Variants in GSE1 observed in about 807,000 individuals in gnomAD.
GSE1 encodes Gse1 coiled-coil protein.
GSE1 carries 32 observed loss-of-function variants against 112.6 expected under a neutral mutation model. The ratio of observed to expected loss-of-function variants is 0.28; its 90% CI spans 0.21 to 0.38. The LOEUF is 0.38. Ranked by LOEUF, GSE1 falls within the 10% of genes least tolerant of loss-of-function variation. The probability of loss-of-function intolerance (pLI) is 1.00; values close to 1 mark genes in which losing one functional copy is unlikely to be tolerated. For synonymous variants in GSE1, 1,115 were observed against 735.6 expected (o/e 1.52, Z -8.35); for missense variants, 2,348 against 1,699.2 (o/e 1.38, Z -6.71).
intron 5 of GSE1, 26 bp downstream of exon 5, chr16:85,655,017 C>A: frequency 2.8e-6 from 4 of 1,410,442 alleles, no homozygotes; most frequent in East Asian, 2.3e-5. Flanking sequence ...CGCGCCCTCT[C>A]GTCTAGGTGC....
At chr16:85,383,830 C>A (rs1480138919) in intron 2 of GSE1, among the ~76,000 whole-genome samples, 1 of 152,202 alleles carries the variant, frequency 6.6e-6, no homozygotes, top group East Asian at 1.9e-4. Flanking sequence ...GGGAGGACCA[C>A]ACAGACCTCT....
intron 1 of GSE1, among the ~76,000 whole-genome samples, chr16:85,344,925 G>C (rs983175512): frequency 6.6e-6 from 1 of 152,248 alleles, no homozygotes; most frequent in Non-Finnish European, 1.5e-5. Context: ...GGGTGCTGCT[G>C]TAGCCAGCTC....
intron 1 of GSE1, among the ~76,000 whole-genome samples, chr16:85,570,278 T>G (rs1426845644): frequency 6.6e-6 from 1 of 151,934 alleles, no homozygotes; most frequent in Non-Finnish European, 1.5e-5. Context: ...TCCCAGCATG[T>G]GAGAGGCTGT....
chr16:85,486,742 T>C (rs2050853827), intron 2 of GSE1, among the ~76,000 whole-genome samples: 1 of 151,852 alleles, frequency 6.6e-6, no homozygotes, highest in Non-Finnish European at 1.5e-5. Flanking sequence ...CGGGCATCTG[T>C]CCTGTTGCAC....
chr16:85,521,853 G>T (rs1056695105), intron 2 of GSE1, among the ~76,000 whole-genome samples: 2 of 152,196 alleles, frequency 1.3e-5, no homozygotes, highest in Non-Finnish European at 2.9e-5. Context: ...GTCGTGGAGG[G>T]TTCCCACACG....
intron 1 of GSE1, among the ~76,000 whole-genome samples, chr16:85,572,437 A>G (rs2046040519): frequency 7.1e-6 from 1 of 141,348 alleles, no homozygotes; most frequent in African/African-American, 2.7e-5. Context: ...CACAGCACAT[A>G]CAACACACAG....
intron 1 of GSE1, among the ~76,000 whole-genome samples, chr16:85,623,349 G>A (rs957605338): frequency 1.3e-5 from 2 of 152,032 alleles, no homozygotes; most frequent in East Asian, 3.9e-4. Flanking sequence ...AAAGCGCTGG[G>A]ATTATAGGCG....
At chr16:85,472,821 T>C (rs1349948649) in intron 2 of GSE1, among the ~76,000 whole-genome samples, 1 of 152,256 alleles carries the variant, frequency 6.6e-6, no homozygotes, top group Admixed American at 6.5e-5. Context: ...TTGGCACCTC[T>C]GGTAGGGAGC....
At chr16:85,342,512 C>T (rs895041330) in intron 1 of GSE1, among the ~76,000 whole-genome samples, 205 of 152,220 alleles carry the variant, frequency 1.3e-3, no homozygotes, top group African/African-American at 4.8e-3. Flanking sequence ...GAGCTCAGGG[C>T]GTGGGCCTCG....
At chr16:85,421,711 C>T (rs1467324754) in intron 2 of GSE1, among the ~76,000 whole-genome samples, 1 of 152,066 alleles carries the variant, frequency 6.6e-6, no homozygotes, top group African/African-American at 2.4e-5. Flanking sequence ...GAGCCCCTTC[C>T]CTCGGGGAAC....
chr16:85,195,042 A>G, intron 1 of GSE1, among the ~76,000 whole-genome samples: 1 of 152,120 alleles, frequency 6.6e-6, no homozygotes, highest in East Asian at 1.9e-4. Context: ...GGGAAAAGGG[A>G]GAAACAGACC....
intron 1 of GSE1, among the ~76,000 whole-genome samples, chr16:85,182,398 A>G (rs1237986453): frequency 1.3e-5 from 2 of 152,212 alleles, no homozygotes; most frequent in Non-Finnish European, 2.9e-5. Context: ...TGTGAGCCCC[A>G]TGGTGAAAGG....
At chr16:85,474,076 A>T (rs2050377673) in intron 2 of GSE1, among the ~76,000 whole-genome samples, 1 of 151,978 alleles carries the variant, frequency 6.6e-6, no homozygotes, top group African/African-American at 2.4e-5. Flanking sequence ...CCATCTTCTG[A>T]TGGGTCCTCT....
chr16:85,494,106 G>C (rs1055284613), intron 2 of GSE1, among the ~76,000 whole-genome samples: 16 of 152,212 alleles, frequency 1.1e-4, no homozygotes, highest in South Asian at 2.1e-4. Flanking sequence ...GTTCCCTAAA[G>C]CTGCCATTAA....
chr16:85,251,732 G>A (rs561978292), intron 1 of GSE1, among the ~76,000 whole-genome samples: 1 of 152,332 alleles, frequency 6.6e-6, no homozygotes, highest in Non-Finnish European at 1.5e-5. Context: ...AAACGCAAGC[G>A]GCTCTTCCTC....
In GSE1 at chr16:85,203,704, A is replaced by G. The variant is rs529064939; in HGVS notation, c.2283+31897A>G. ...TTCACCTGTCTCAAGTGTACAGTTC[A>G]CAGAGTTGTGCGGCCACCACCATAG... On this transcript the variant is annotated intron_variant, in intron 1 of 2. Transcript: ENST00000637419. 9.9e-5 allele frequency among the ~76,000 whole-genome samples: 15 copies of G among 152,274 alleles called. No individual in the cohort carries two copies. In the South Asian group the frequency reaches 2.1e-3, roughly 21 times the overall value.
intron 1 of GSE1, among the ~76,000 whole-genome samples, chr16:85,343,225 C>T (rs988024536): frequency 3.9e-5 from 6 of 152,198 alleles, no homozygotes; most frequent in Non-Finnish European, 8.8e-5. Context: ...CTCCAGAGGA[C>T]CGCGCTGAAC....
At chr16:85,584,214 C>T (rs1377749221) in intron 1 of GSE1, among the ~76,000 whole-genome samples, 2 of 152,130 alleles carry the variant, frequency 1.3e-5, no homozygotes, top group Non-Finnish European at 2.9e-5. Flanking sequence ...CCCCAAGATG[C>T]CAGGCTGGTT....
intron 1 of GSE1, among the ~76,000 whole-genome samples, chr16:85,349,935 T>C (rs930614071): frequency 6.6e-6 from 1 of 152,114 alleles, no homozygotes; most frequent in African/African-American, 2.4e-5. Flanking sequence ...TCTGCCAGTG[T>C]TTACTGAGCA....
Sources: allele counts gnomAD v4.1 joint callset (sites outside exome capture counted in the v4.1 genomes callset), GRCh38; gene constraint gnomAD v4.1.1; transcripts MANE v1.5; gene names NCBI Gene and HGNC (gene_info 2026-07-23, HGNC 2026-07-21).